Variants in DNAH6 observed in about 807,000 individuals in gnomAD.
DNAH6 encodes the protein dynein axonemal heavy chain 6.
Under a neutral mutation model 491.4 loss-of-function variants are expected in DNAH6, and 340 were observed. That is an observed-to-expected ratio of 0.69 (90% CI 0.63 to 0.76). The LOEUF is 0.76. Ranked by LOEUF, DNAH6 falls within the 30% of genes least tolerant of loss-of-function variation. DNAH6 has a pLI of 0.00. For synonymous variants in DNAH6, 1,603 were observed against 1,686.1 expected, an observed-to-expected ratio of 0.95 and a Z score of 1.21; for missense variants, 4,443 against 4,972.2, an observed-to-expected ratio of 0.89 and a Z score of 3.20.
the DNAH6 span, among the ~76,000 whole-genome samples, chr2:84,510,088 G>A: frequency 1.3e-5 from 2 of 152,118 alleles, no homozygotes; most frequent in Non-Finnish European, 2.9e-5. Context: ...TCTTTGTGGT[G>A]TTCTCTGTAT....
At chr2:84,800,505 A>G (rs992925816) in intron 70 of DNAH6, among the ~76,000 whole-genome samples, 3 of 152,234 alleles carry the variant, frequency 2.0e-5, no homozygotes, top group Non-Finnish European at 4.4e-5. Flanking sequence ...AATGCAAAGA[A>G]GCCAGAGAAA....
Position 84,814,078 on chromosome 2 carries a change from G to T in DNAH6, c.12106G>T (p.Ala4036Ser). Reference sequence around the variant, plus strand: ...GGATCAAGCTGCAGTGATAGAAGCTGCCAAGACAGTGCAATTTGGACAAGA... The same window carrying T: ...GGATCAAGCTGCAGTGATAGAAGCTTCCAAGACAGTGCAATTTGGACAAGA... ...YRDQAAVIEAAKTVQFGQELP... is the reference protein window; with the variant it reads ...YRDQAAVIEASKTVQFGQELP... The change falls in exon 75 of 77, where the codon GCC (alanine) becomes TCC (serine). Residue 4036 changes from alanine (A) to serine (S), a missense_variant. Physicochemically the swap from Ala to Ser is moderately conservative, Grantham distance 99. Coordinates refer to ENST00000389394, the MANE Select transcript of DNAH6 (RefSeq NM_001370.2). 2 of 1,551,724 alleles carry T rather than the reference G, an allele frequency of 1.3e-6. No homozygotes were observed. Among genetic ancestry groups the T allele is most frequent in the South Asian group, 2.4e-5 (2 of 84,058 alleles).
intron 32 of DNAH6, 108 bp from the exon 33 acceptor site, chr2:84,641,839 T>A: frequency 2.4e-6 from 2 of 825,844 alleles, no homozygotes; most frequent in Non-Finnish European, 3.8e-6. Context: ...ATCTTCTCCT[T>A]CTAACAGGAA....
chr2:84,760,513 T>C (rs915475571), intron 63 of DNAH6, among the ~76,000 whole-genome samples: 16 of 152,170 alleles, frequency 1.1e-4, no homozygotes, highest in African/African-American at 3.1e-4. Flanking sequence ...TAAATAGACA[T>C]TTTTCAAAAG....
chr2:84,631,462 T>A (rs947010025), intron 29 of DNAH6, among the ~76,000 whole-genome samples: 2 of 152,186 alleles, frequency 1.3e-5, no homozygotes, highest in African/African-American at 4.8e-5. Context: ...TATCTGTGAA[T>A]GTTACCTAAT....
At chr2:84,661,017 TTAAA>T (rs755134844) in intron 37 of DNAH6, among the ~76,000 whole-genome samples, 13 of 152,222 alleles carry the variant, frequency 8.5e-5, no homozygotes, top group Non-Finnish European at 1.8e-4. Flanking sequence ...AGAATGTAAA[TTAAA>T]TAATAATATG....
At chr2:84,579,723 G>A in intron 14 of DNAH6, 44 bp downstream of exon 14, 3 of 1,484,726 alleles carry the variant, frequency 2.0e-6, no homozygotes, top group Non-Finnish European at 2.7e-6. Flanking sequence ...AGATCTTATA[G>A]TAGGAAGGAA....
intron 72 of DNAH6, among the ~76,000 whole-genome samples, chr2:84,809,546 A>G (rs1679760468): frequency 6.6e-6 from 1 of 152,176 alleles, no homozygotes; most frequent in Admixed American, 6.5e-5. Flanking sequence ...TCACCAGGTC[A>G]GGGCTTATTT....
chr2:84,686,254 A>G (rs957962619), intron 43 of DNAH6, among the ~76,000 whole-genome samples: 3 of 151,956 alleles, frequency 2.0e-5, no homozygotes, highest in Non-Finnish European at 4.4e-5. Flanking sequence ...TCCAATATTC[A>G]TTATTTAACA....
At chr2:84,625,627 T>TA (rs564269604) in intron 29 of DNAH6, among the ~76,000 whole-genome samples, 2 of 152,170 alleles carry the variant, frequency 1.3e-5, no homozygotes, top group Non-Finnish European at 2.9e-5. Flanking sequence ...ATTTATTTGT[T>TA]AAAAAAATAA....
the DNAH6 span, among the ~76,000 whole-genome samples, chr2:84,482,733 C>T: frequency 1.3e-5 from 2 of 152,224 alleles, no homozygotes; most frequent in South Asian, 2.1e-4. Context: ...CTAAATGACA[C>T]TCTAGGTTTT....
chr2:84,788,936 G>A (rs754780171), intron 68 of DNAH6, among the ~76,000 whole-genome samples: 10 of 152,176 alleles, frequency 6.6e-5, no homozygotes, highest in Non-Finnish European at 1.2e-4. Flanking sequence ...TCTGGATCTA[G>A]TTTGAGGCAC....
At chr2:84,813,577 A>G (rs1680206475) in intron 74 of DNAH6, among the ~76,000 whole-genome samples, 1 of 152,338 alleles carries the variant, frequency 6.6e-6, no homozygotes, top group African/African-American at 2.4e-5. Context: ...ACTCAATGCT[A>G]ATTACCCAAG....
In DNAH6 at chr2:84,653,529, C is replaced by T; in HGVS notation, c.5289C>T (p.Tyr1763=). ...CAGGAGGCGGCAAGACCACAGTTTA[C>T]CGAATACTAGCAGAAACTTTAGGGA... ...GPTGGGKTTV[Y]RILAETLGNL... The change falls in exon 34 of 77, where the codon TAC becomes TAT. Residue 1763 remains tyrosine (Y), a synonymous_variant. Coordinates refer to ENST00000389394, the MANE Select transcript of DNAH6 (RefSeq NM_001370.2). 2 of 1,551,244 alleles carry T rather than the reference C, an allele frequency of 1.3e-6. No homozygotes were observed. The highest frequency in any genetic ancestry group is 1.2e-5 in the South Asian group (1 of 84,046).
Position 84,605,546 on chromosome 2 carries a change from G to T in DNAH6, c.3128G>T (p.Arg1043Leu). The T allele has an allele frequency of 6.4e-7, 1 of 1,551,470 alleles. No homozygotes were observed. Among genetic ancestry groups the T allele is most frequent in the Non-Finnish European group, 8.7e-7 (1 of 1,146,896 alleles). Residue 1043 changes from arginine to leucine, a missense_variant, in exon 20 of 77, where the codon CGT (arginine) becomes CTT (leucine). This residue lies in a region of DNAH6 where 2,977 missense variants were observed against 3,296.6 expected (regional missense o/e 0.90). Coordinates refer to ENST00000389394, the MANE Select transcript of DNAH6 (RefSeq NM_001370.2). ...KTTEFVILPH[R>L]DSKDVFILGG... ...ACTGAATTTGTCATTCTGCCTCACC[G>T]TGACTCCAAAGATGTGTTTATACTG...
intron 59 of DNAH6, among the ~76,000 whole-genome samples, chr2:84,721,300 A>G (rs1698131640): frequency 6.6e-6 from 1 of 152,026 alleles, no homozygotes; most frequent in Non-Finnish European, 1.5e-5. Context: ...GTTGAGTCCC[A>G]TATTAACATA....
At chr2:84,606,857 G>T (rs1685819203) in intron 20 of DNAH6, 119 bp from the exon 21 acceptor site, 4 of 1,025,936 alleles carry the variant, frequency 3.9e-6, no homozygotes, top group African/African-American at 1.6e-5. Flanking sequence ...AGTAAGAGGG[G>T]CTAAGCTATT....
In DNAH6 at chr2:84,729,030, A is replaced by G. The variant is rs1261328618; in HGVS notation, c.10206+1128A>G. ...AACCTGATGCTTTTATTTGACTCTCAGCACCCCATGTTCCCAGAAAAAGCC... is the reference window on the plus strand; with the variant it reads ...AACCTGATGCTTTTATTTGACTCTCGGCACCCCATGTTCCCAGAAAAAGCC... On this transcript the variant is annotated intron_variant, in intron 61 of 76. Transcript: ENST00000389394. Among the ~76,000 whole-genome samples the G allele has an allele frequency of 2.0e-5, 3 of 152,206 alleles. No homozygotes were observed. In the East Asian group the frequency reaches 5.8e-4, roughly 29 times the overall value.
At chr2:84,481,812 C>A in the DNAH6 span, among the ~76,000 whole-genome samples, 1,685 of 152,314 alleles carry the variant, frequency 0.011, 29 homozygotes, top group African/African-American at 0.039. Context: ...TAGAAGCCTG[C>A]ATTCTCAGGC....
Sources: allele counts gnomAD v4.1 joint callset (sites outside exome capture counted in the v4.1 genomes callset), GRCh38; gene constraint gnomAD v4.1.1; regional missense constraint gnomAD v4.1.1; transcripts MANE v1.5; gene names NCBI Gene and HGNC (gene_info 2026-07-23, HGNC 2026-07-21).